Variants in IFT43 observed in about 807,000 individuals in gnomAD.
IFT43 encodes intraflagellar transport 43.
IFT43 carries 33 observed loss-of-function variants against 32.3 expected under a neutral mutation model. That is an observed-to-expected ratio of 1.02 (90% CI 0.77 to 1.37). IFT43 has a LOEUF of 1.37. Among genes scored for constraint, IFT43 ranks in the 40% most tolerant of loss-of-function variants. The probability of loss-of-function intolerance (pLI) is 0.00; values close to 1 mark genes in which losing one functional copy is unlikely to be tolerated. For synonymous variants in IFT43, 93 were observed against 98.2 expected, an observed-to-expected ratio of 0.95 and a Z score of 0.31; for missense variants, 274 against 265.9, an observed-to-expected ratio of 1.03 and a Z score of -0.21.
chr14:76,004,391 T>C (rs971751383), intron 2 of IFT43, among the ~76,000 whole-genome samples: 2 of 152,152 alleles, frequency 1.3e-5, no homozygotes, highest in Non-Finnish European at 2.9e-5. Context: ...CCTCTGGCCA[T>C]TTTTCCCCCG....
intron 3 of IFT43, among the ~76,000 whole-genome samples, chr14:76,047,147 C>G (rs2036822220): frequency 6.6e-6 from 1 of 152,180 alleles, no homozygotes; most frequent in African/African-American, 2.4e-5. Context: ...GATTAAGTTT[C>G]AACATCAGTT....
intron 2 of IFT43, among the ~76,000 whole-genome samples, chr14:76,010,759 TC>T (rs768031333): frequency 4.6e-5 from 7 of 152,174 alleles, no homozygotes; most frequent in Non-Finnish European, 8.8e-5. Flanking sequence ...TATTACCCAC[TC>T]CAAATTTATT....
chr14:75,993,726 T>A (rs1420717313), intron 2 of IFT43, among the ~76,000 whole-genome samples: 1 of 152,232 alleles, frequency 6.6e-6, no homozygotes, highest in Non-Finnish European at 1.5e-5. Flanking sequence ...AGCTTCCTGC[T>A]CTGCTATCTG....
intron 3 of IFT43, among the ~76,000 whole-genome samples, chr14:76,051,384 TG>T (rs2036911078): frequency 6.6e-6 from 1 of 151,722 alleles, no homozygotes; most frequent in East Asian, 1.9e-4. Flanking sequence ...ATTGCAGGTG[TG>T]GGGGCAGCTT....
chr14:76,053,353 G>C (rs1490528464), intron 3 of IFT43, among the ~76,000 whole-genome samples: 1 of 152,112 alleles, frequency 6.6e-6, no homozygotes, highest in East Asian at 1.9e-4. Flanking sequence ...TTGAGAGTGG[G>C]TGCGCTGAGC....
intron 3 of IFT43, among the ~76,000 whole-genome samples, chr14:76,047,873 A>AC (rs1245799040): frequency 2.6e-5 from 4 of 151,714 alleles, no homozygotes; most frequent in African/African-American, 9.7e-5. Context: ...TTAATGGGGA[A>AC]CAGATGTGGG....
intron 5 of IFT43, among the ~76,000 whole-genome samples, chr14:76,064,874 C>A (rs1044379035): frequency 6.6e-6 from 1 of 152,208 alleles, no homozygotes; most frequent in Non-Finnish European, 1.5e-5. Context: ...CTGCCTTAAA[C>A]CTATTCCCAA....
intron 2 of IFT43, among the ~76,000 whole-genome samples, chr14:76,002,272 C>T (rs752145270): frequency 3.9e-5 from 6 of 151,934 alleles, no homozygotes; most frequent in Non-Finnish European, 8.8e-5. Flanking sequence ...ATAATAATCT[C>T]ACATCTTAAT....
intron 3 of IFT43, among the ~76,000 whole-genome samples, chr14:76,047,440 A>G (rs1217605103): frequency 6.6e-6 from 1 of 152,172 alleles, no homozygotes; most frequent in Non-Finnish European, 1.5e-5. Context: ...GAAATAAAGA[A>G]GTCATATTAA....
intron 2 of IFT43, among the ~76,000 whole-genome samples, chr14:76,001,662 T>G (rs1229702985): frequency 2.0e-5 from 3 of 152,258 alleles, no homozygotes; most frequent in African/African-American, 7.2e-5. Flanking sequence ...TGTCTTGGTC[T>G]GTTTTATGCT....
chr14:76,000,444 T>A (rs1387559396), intron 2 of IFT43, among the ~76,000 whole-genome samples: 2 of 151,814 alleles, frequency 1.3e-5, no homozygotes, highest in African/African-American at 4.8e-5. Flanking sequence ...TTTTTTTTTT[T>A]TGTATTTTTA....
chr14:76,072,677 A>G (rs1336673056), intron 5 of IFT43, among the ~76,000 whole-genome samples: 1 of 152,196 alleles, frequency 6.6e-6, no homozygotes, highest in African/African-American at 2.4e-5. Flanking sequence ...CTGTCATGCT[A>G]TAGTCTGTTA....
chr14:76,027,897 C>T (rs541081809), intron 3 of IFT43, among the ~76,000 whole-genome samples: 1 of 151,844 alleles, frequency 6.6e-6, no homozygotes, highest in Non-Finnish European at 1.5e-5. Flanking sequence ...TATTGTGTTT[C>T]GTAGTTGTCT....
intron 5 of IFT43, among the ~76,000 whole-genome samples, chr14:76,062,917 C>CAAAAAAAAAAAAAAAAA (rs746158153): frequency 3.3e-4 from 24 of 72,478 alleles, no homozygotes; most frequent in Middle Eastern, 9.6e-3. Flanking sequence ...GATCCCATCT[C>CAAAAAAAAAAAAAAAAA]AAAAAAAAAA....
rs114958833 is a variant in IFT43 at position 76,070,603 on chromosome 14, C to T, written c.295+11230C>T. Among the ~76,000 whole-genome samples the T allele has an allele frequency of 2.1e-3, 316 of 152,180 alleles. 2 individuals are homozygous for T. Among genetic ancestry groups the T allele is most frequent in the African/African-American group, 7.2e-3 (297 of 41,498 alleles). ...TTGATATCATTTAGATATGTGTCCC[C>T]GCCCAAGTCTCAAGTTGAATTGTAA... is the stretch of plus-strand genomic sequence containing the variant. On this transcript the variant is annotated intron_variant, in intron 5 of 8. Transcript: ENST00000314067.
At chr14:76,062,427 A>G (rs1423013482) in intron 5 of IFT43, among the ~76,000 whole-genome samples, 1 of 152,202 alleles carries the variant, frequency 6.6e-6, no homozygotes, top group Admixed American at 6.5e-5. Flanking sequence ...GACATTGTGA[A>G]TATCATTATG....
intron 5 of IFT43, 162 bp from the exon 6 acceptor site, chr14:76,082,133 A>G (rs2037521354): frequency 6.2e-6 from 1 of 162,460 alleles, no homozygotes; most frequent in East Asian, 1.9e-4. Context: ...CATCGTTGAA[A>G]CTCCACCTTT....
chr14:76,010,348 A>G (rs933825263), intron 2 of IFT43, among the ~76,000 whole-genome samples: 1 of 152,218 alleles, frequency 6.6e-6, no homozygotes, highest in Non-Finnish European at 1.5e-5. Context: ...ACATGCATCA[A>G]GGAACAACCT....
rs113103805 is a variant in IFT43, at chr14:76,039,130, A to ATT, written c.215+16748_215+16749dup. ...ACCCCTTTTTGTAATGGTATGTTGC[A>ATT]TTTTTTTTTTTTTCTTTTTTTAGAC... is the stretch of plus-strand genomic sequence containing the variant. On this transcript the variant is annotated intron_variant, in intron 3 of 8. Transcript: ENST00000314067. 1.3e-4 allele frequency among the ~76,000 whole-genome samples: 18 copies of ATT among 142,668 alleles called. No individual in the cohort carries two copies. In the South Asian group the frequency reaches 2.0e-3, roughly 16 times the overall value. The allele number at this position is 142,668 out of a possible 152,430, so 93.6% of individuals were successfully genotyped here. A position where few individuals can be genotyped will look rare whatever the true frequency, so the allele number is the denominator to read the frequency against.
Sources: allele counts gnomAD v4.1 joint callset (sites outside exome capture counted in the v4.1 genomes callset), GRCh38; gene constraint gnomAD v4.1.1; transcripts MANE v1.5; gene names NCBI Gene and HGNC (gene_info 2026-07-23, HGNC 2026-07-21).